RSAD2: variants seen among roughly 807,000 people sequenced by gnomAD.
The protein encoded by RSAD2 is radical S-adenosyl methionine domain containing 2.
RSAD2 carries 38 observed loss-of-function variants against 37.7 expected under a neutral mutation model. That is an observed-to-expected ratio of 1.01 (90% CI 0.78 to 1.32). RSAD2 has a LOEUF of 1.32. RSAD2 is among the 40% of genes most tolerant of loss of function. The pLI, the probability that RSAD2 is intolerant of heterozygous loss-of-function variation, is 0.00. For missense variants in RSAD2, 428 were observed against 437.5 expected, an observed-to-expected ratio of 0.98 and a Z score of 0.19; for synonymous variants, 163 against 157.4, an observed-to-expected ratio of 1.04 and a Z score of -0.27.
Position 6,878,126 on chromosome 2 carries a change from T to G in RSAD2, c.326T>G (p.Leu109Trp), listed in dbSNP as rs202204480. 3.1e-6 allele frequency: 5 copies of G among 1,613,992 alleles called. No individual in the cohort carries two copies. The African/African-American group carries it at 5.3e-5, about 17-fold the overall frequency. ...VLPLEEAKRG[L>W]LLLKEAGMEK... ...CCCCTTGAGGAAGCAAAGAGAGGATTGCTTTTGCTTAAGGAAGCTGGTGAG... is the reference window on the plus strand; with the variant it reads ...CCCCTTGAGGAAGCAAAGAGAGGATGGCTTTTGCTTAAGGAAGCTGGTGAG... Residue 109 changes from leucine (L) to tryptophan (W), a missense_variant, in exon 1 of 6, where the codon TTG becomes TGG. Leu to Trp is a moderately conservative substitution (Grantham distance 61). Transcript: ENST00000382040.
At chr2:6,895,498 C>A (rs1663755554) in intron 5 of RSAD2, among the ~76,000 whole-genome samples, 1 of 152,224 alleles carries the variant, frequency 6.6e-6, no homozygotes, top group Non-Finnish European at 1.5e-5. Flanking sequence ...CCTGATTACC[C>A]CTTCCCCCAG....
At chr2:6,895,054 C>T (rs1663712479) in intron 5 of RSAD2, among the ~76,000 whole-genome samples, 1 of 152,216 alleles carries the variant, frequency 6.6e-6, no homozygotes, top group Non-Finnish European at 1.5e-5. Context: ...ATTACTTGAG[C>T]TCCTATGAAA....
chr2:6,881,333 T>C (rs901609523), intron 1 of RSAD2, among the ~76,000 whole-genome samples: 1 of 152,206 alleles, frequency 6.6e-6, no homozygotes, highest in Non-Finnish European at 1.5e-5. Flanking sequence ...AAGGGGGCAC[T>C]AAAACTCACT....
intron 1 of RSAD2, among the ~76,000 whole-genome samples, chr2:6,870,006 G>C (rs957398689): frequency 6.6e-6 from 1 of 152,118 alleles, no homozygotes; most frequent in African/African-American, 2.4e-5. Flanking sequence ...AAACAATCAG[G>C]ATGCAGCCAT....
chr2:6,878,207 G>A (rs1663327141), intron 1 of RSAD2, 61 bp downstream of exon 1: 54 of 1,423,896 alleles, frequency 3.8e-5, no homozygotes, highest in South Asian at 9.2e-5. Flanking sequence ...GGGGTAAGGC[G>A]AGAAGGGGCT....
chr2:6,895,692 A>G, intron 5 of RSAD2, 86 bp from the exon 6 acceptor site: 2 of 1,248,930 alleles, frequency 1.6e-6, no homozygotes, highest in Non-Finnish European at 2.2e-6. Context: ...TGGAATATCA[A>G]AAGCTATTTG....
chr2:6,874,860 T>TA (rs905306888), upstream of RSAD2, among the ~76,000 whole-genome samples: 32 of 152,300 alleles, frequency 2.1e-4, 1 homozygote, highest in Admixed American at 1.6e-3. Flanking sequence ...GTAAGTTCAG[T>TA]AAAAATCTGC....
chr2:6,871,118 C>G lies in RSAD2; in HGVS notation c.142+5073C>G, dbSNP rs1354528011. On this transcript the variant is annotated intron_variant, in intron 1 of 5. Coordinates refer to the RSAD2 transcript ENST00000442639. ...GTACTTTGAAAGTCCTCAATGGAAT[C>G]AAGGCAGTCATCATCTCTCTTCGGG... Among the ~76,000 whole-genome samples, 3 of 152,178 alleles carry G rather than the reference C, an allele frequency of 2.0e-5. No homozygotes were observed. In the East Asian group the frequency reaches 5.8e-4, roughly 29 times the overall value.
At chr2:6,869,944 G>A (rs1308909893) in intron 1 of RSAD2, among the ~76,000 whole-genome samples, 1 of 152,108 alleles carries the variant, frequency 6.6e-6, no homozygotes, top group African/African-American at 2.4e-5. Context: ...AGCTCTCCTG[G>A]GTCAACCAAT....
chr2:6,878,212 G>A, intron 1 of RSAD2, 66 bp downstream of exon 1: 1 of 1,362,778 alleles, frequency 7.3e-7, no homozygotes. Context: ...AAGGCGAGAA[G>A]GGGCTGGGGG....
chr2:6,874,641 A>C (rs760195676), upstream of RSAD2, among the ~76,000 whole-genome samples: 6 of 152,202 alleles, frequency 3.9e-5, no homozygotes, highest in Non-Finnish European at 8.8e-5. Context: ...TAAGTAGTTG[A>C]TAAGGATAAC....
At chr2:6,873,725 G>A (rs1663236268), upstream of RSAD2, among the ~76,000 whole-genome samples, 1 of 152,102 alleles carries the variant, frequency 6.6e-6, no homozygotes, top group Admixed American at 6.5e-5. Context: ...GACATCTTTG[G>A]CAGGTTTCCT....
chr2:6,883,327 T>C lies in RSAD2; in HGVS notation c.347-44T>C, dbSNP rs765649922. 51 of 1,560,238 alleles carry C rather than the reference T, an allele frequency of 3.3e-5. 1 individual carries two copies. In the Middle Eastern group the frequency reaches 3.4e-3, roughly 105 times the overall value. ...ACTACTTTTGCTATTAAAATAATAATGTATATTTGTGAAGTGGTAAAATTC... is the reference window on the plus strand; with the variant it reads ...ACTACTTTTGCTATTAAAATAATAACGTATATTTGTGAAGTGGTAAAATTC... On this transcript the variant is annotated intron_variant, in intron 1 of 5. Transcript: ENST00000382040.
chr2:6,883,350 T>C, intron 1 of RSAD2, 21 bp from the exon 2 acceptor site: 1 of 1,608,836 alleles, frequency 6.2e-7, no homozygotes, highest in Non-Finnish European at 8.5e-7. Flanking sequence ...AGTGGTAAAA[T>C]TCATGTATCA....
intron 1 of RSAD2, among the ~76,000 whole-genome samples, chr2:6,870,638 G>A (rs560017093): frequency 1.1e-4 from 17 of 152,294 alleles, no homozygotes; most frequent in Admixed American, 6.5e-4. Context: ...AGACTGCAAA[G>A]GGGAAATTTC....
In RSAD2 at chr2:6,883,520, T is replaced by A. The variant is rs1478585697; in HGVS notation, c.496T>A (p.Phe166Ile). Residue 166 changes from phenylalanine (F) to isoleucine (I), a missense_variant, in exon 2 of 6, where the codon TTC (phenylalanine) becomes ATC (isoleucine). Physicochemically the swap from Phe to Ile is conservative, Grantham distance 21. Coordinates refer to ENST00000382040, the MANE Select transcript of RSAD2 (RefSeq NM_080657.5). The part of the protein sequence containing the change: ...SNGSLIRERW[F>I]QNYGEYLDIL... The stretch of plus-strand genomic sequence containing the variant: ...TGGAAGCCTGATCCGGGAGAGGTGG[T>A]TCCAGAATTATGGTGTGCTCCATGG... The A allele has an allele frequency of 4.3e-6, 7 of 1,614,048 alleles. No individual in the cohort carries two copies. The South Asian group carries it at 7.7e-5, about 18-fold the overall frequency.
intron 4 of RSAD2, among the ~76,000 whole-genome samples, chr2:6,893,394 G>A (rs1417332794): frequency 5.9e-5 from 9 of 152,186 alleles, no homozygotes; most frequent in African/African-American, 2.2e-4. Context: ...TGGGGAAATT[G>A]CCTTGGGGTT....
intron 3 of RSAD2, among the ~76,000 whole-genome samples, chr2:6,889,441 C>T (rs907712259): frequency 6.6e-6 from 1 of 152,214 alleles, no homozygotes; most frequent in Non-Finnish European, 1.5e-5. Flanking sequence ...TTCTTCTCAT[C>T]TGACTATAGT....
rs550936401 is a variant in RSAD2 at position 6,893,714 on chromosome 2, C to T, written c.921+11C>T. On this transcript the variant is annotated intron_variant, in intron 5 of 5. Coordinates refer to ENST00000382040, the MANE Select transcript of RSAD2 (RefSeq NM_080657.5). ...ATTCTGGATGAATATGTGAGTATTT[C>T]CAATGAGTTATAAAATTAAAACTTA... 2 of 1,571,560 alleles carry T rather than the reference C, an allele frequency of 1.3e-6. No individual in the cohort carries two copies.
Sources: allele counts gnomAD v4.1 joint callset (sites outside exome capture counted in the v4.1 genomes callset), GRCh38; gene constraint gnomAD v4.1.1; transcripts MANE v1.5; gene names NCBI Gene and HGNC (gene_info 2026-07-23, HGNC 2026-07-21).